Variants in ERG observed in about 807,000 individuals in gnomAD.
The protein encoded by ERG is transcriptional regulator ERG.
ERG carries 9 observed loss-of-function variants against 55.3 expected under a neutral mutation model. That is an observed-to-expected ratio of 0.16 (90% CI 0.10 to 0.28). The LOEUF is 0.28. Among genes scored for constraint, ERG ranks in the 10% least tolerant of loss-of-function variants. The pLI, the probability that ERG is intolerant of heterozygous loss-of-function variation, is 1.00. For missense variants in ERG, 434 were observed against 631.6 expected, an observed-to-expected ratio of 0.69 and a Z score of 3.35; for synonymous variants, 223 against 237.3, an observed-to-expected ratio of 0.94 and a Z score of 0.55.
At chr21:38,385,844 G>A (rs1011881055) in intron 9 of ERG, among the ~76,000 whole-genome samples, 2 of 152,104 alleles carry the variant, frequency 1.3e-5, no homozygotes, top group Non-Finnish European at 2.9e-5. Context: ...AAAAAATTCC[G>A]TATATGACCT....
intron 2 of ERG, among the ~76,000 whole-genome samples, chr21:38,546,993 G>A (rs570555051): frequency 6.6e-6 from 1 of 152,326 alleles, no homozygotes; most frequent in East Asian, 1.9e-4. Flanking sequence ...CCTCAAAGGA[G>A]ATTTTTGCTC....
intron 3 of ERG, among the ~76,000 whole-genome samples, chr21:38,405,246 G>A (rs897625893): frequency 6.6e-6 from 1 of 152,090 alleles, no homozygotes; most frequent in Admixed American, 6.5e-5. Flanking sequence ...TAACATAAAC[G>A]ATATATGATT....
chr21:38,649,306 T>C (rs1208951769), intron 1 of ERG, among the ~76,000 whole-genome samples: 1 of 152,154 alleles, frequency 6.6e-6, no homozygotes, highest in Non-Finnish European at 1.5e-5. Flanking sequence ...GCTGATGACG[T>C]AGCGTTTCTC....
intron 2 of ERG, among the ~76,000 whole-genome samples, chr21:38,540,541 G>A (rs754378579): frequency 6.6e-6 from 1 of 152,132 alleles, no homozygotes; most frequent in African/African-American, 2.4e-5. Context: ...TGATTCCCCT[G>A]TGAGGCCATG....
chr21:38,545,658 C>T (rs1601221167), intron 2 of ERG, among the ~76,000 whole-genome samples: 1 of 152,326 alleles, frequency 6.6e-6, no homozygotes, highest in East Asian at 1.9e-4. Flanking sequence ...TGCTACAATT[C>T]TCAGACACAA....
At chr21:38,452,488 T>A (rs192639640) in intron 1 of ERG, among the ~76,000 whole-genome samples, 36 of 152,364 alleles carry the variant, frequency 2.4e-4, no homozygotes, top group Admixed American at 1.4e-3. Flanking sequence ...GTATACATAT[T>A]ACTAAATACA....
chr21:38,470,717 G>C (rs940614028), intron 1 of ERG: 1 of 152,172 alleles, frequency 6.6e-6, no homozygotes, highest in Admixed American at 6.6e-5. Flanking sequence ...CCAGCTTTCC[G>C]ACCATGGAAA....
intron 2 of ERG, among the ~76,000 whole-genome samples, chr21:38,574,421 G>T (rs1316726320): frequency 1.3e-4 from 20 of 152,078 alleles, no homozygotes; most frequent in Admixed American, 1.3e-3. Flanking sequence ...TATGGCCTTG[G>T]GCAAAATTTA....
intron 2 of ERG, among the ~76,000 whole-genome samples, chr21:38,572,447 G>A (rs1388016524): frequency 4.0e-5 from 6 of 150,168 alleles, no homozygotes; most frequent in East Asian, 3.9e-4. Context: ...GAAACTTCTC[G>A]CACATGAAAT....
intron 1 of ERG, among the ~76,000 whole-genome samples, chr21:38,452,507 T>C (rs886131621): frequency 1.3e-5 from 2 of 152,246 alleles, no homozygotes; most frequent in African/African-American, 4.8e-5. Context: ...CATACTAAGA[T>C]AATAAGGAGA....
chr21:38,525,310 A>G (rs986321139), intron 2 of ERG, among the ~76,000 whole-genome samples: 1 of 151,894 alleles, frequency 6.6e-6, no homozygotes, highest in African/African-American at 2.4e-5. Flanking sequence ...CGGGTTCTGT[A>G]TCCCTGCCCA....
intron 1 of ERG, among the ~76,000 whole-genome samples, chr21:38,631,181 C>T (rs775789670): frequency 3.9e-5 from 6 of 152,162 alleles, no homozygotes; most frequent in African/African-American, 9.7e-5. Flanking sequence ...TCCTTCAACT[C>T]GGACTGCATC....
chr21:38,369,940 C>T, the ERG span, among the ~76,000 whole-genome samples: 22 of 152,058 alleles, frequency 1.4e-4, no homozygotes, highest in African/African-American at 5.3e-4. Flanking sequence ...AGTGTGCAGT[C>T]TTATTTCTGG....
intron 1 of ERG, among the ~76,000 whole-genome samples, chr21:38,472,809 TC>T (rs2059151421): frequency 6.6e-6 from 1 of 152,216 alleles, no homozygotes; most frequent in Non-Finnish European, 1.5e-5. Context: ...CGTGGGCAAT[TC>T]GTGCGCTTGG....
At chr21:38,600,066 G>A (rs955627680) in intron 1 of ERG, among the ~76,000 whole-genome samples, 4 of 152,202 alleles carry the variant, frequency 2.6e-5, no homozygotes, top group Non-Finnish European at 2.9e-5. Context: ...TATAAGGCAC[G>A]AGGTTGGTGA....
intron 2 of ERG, among the ~76,000 whole-genome samples, chr21:38,429,163 C>A (rs1013939278): frequency 6.6e-6 from 1 of 152,036 alleles, no homozygotes; most frequent in Non-Finnish European, 1.5e-5. Flanking sequence ...TGAGTTACTT[C>A]GGTTAGAATA....
At chr21:38,520,626 G>T (rs547057134) in intron 2 of ERG, among the ~76,000 whole-genome samples, 1 of 152,296 alleles carries the variant, frequency 6.6e-6, no homozygotes, top group Non-Finnish European at 1.5e-5. Context: ...ACAAAGGAAA[G>T]CTGGGATAAC....
At chr21:38,585,968 G>A (rs2060061436), upstream of ERG, among the ~76,000 whole-genome samples, 1 of 151,802 alleles carries the variant, frequency 6.6e-6, no homozygotes, top group Non-Finnish European at 1.5e-5. Flanking sequence ...AAAAAAATAA[G>A]TGGATGAAAT....
At position 38,514,528 on chromosome 21, in the gene ERG, A is replaced by G. The variant is rs142121740; in HGVS notation, c.-41+61134T>C. Among the ~76,000 whole-genome samples, 27 of 152,106 alleles carry G rather than the reference A, an allele frequency of 1.8e-4. No homozygotes were observed. In the East Asian group the frequency reaches 4.8e-3, roughly 27 times the overall value. On this transcript the variant is annotated intron_variant, in intron 2 of 8. Transcript: ENST00000398897. ...TTAAACAAAAGAAGAAAAGCACTTA[A>G]TAACATTCAACATTCATATTAAAAA...
Sources: allele counts gnomAD v4.1 joint callset (sites outside exome capture counted in the v4.1 genomes callset), GRCh38; gene constraint gnomAD v4.1.1; transcripts MANE v1.5; gene names NCBI Gene and HGNC (gene_info 2026-07-23, HGNC 2026-07-21).